Variants in ITPR2 observed in about 807,000 individuals in gnomAD.
ITPR2 encodes inositol 1,4,5-trisphosphate receptor type 2.
A neutral mutation model predicts 317.1 loss-of-function variants in ITPR2; 207 were observed. The observed-to-expected ratio is 0.65, with a 90% CI of 0.58 to 0.73. ITPR2 has a LOEUF of 0.73. ITPR2 is among the 30% of genes least tolerant of loss of function. The pLI is 0.00. For synonymous variants in ITPR2, 1,156 were observed against 1,149.1 expected (o/e 1.01, Z -0.12); for missense variants, 2,613 against 3,284.0 (o/e 0.80, Z 4.99).
chr12:26,729,985 A>T, intron 2 of ITPR2, among the ~76,000 whole-genome samples: 1 of 152,168 alleles, frequency 6.6e-6, no homozygotes. Context: ...GGGGAGAGAG[A>T]GAAGTTAGGC....
intron 5 of ITPR2, among the ~76,000 whole-genome samples, chr12:26,717,231 A>G (rs1470586163): frequency 6.6e-6 from 1 of 152,226 alleles, no homozygotes; most frequent in East Asian, 1.9e-4. Flanking sequence ...ATGATAAAAC[A>G]AATCAGGATT....
At chr12:26,811,684 CAAA>C (rs34379788) in intron 1 of ITPR2, among the ~76,000 whole-genome samples, 14 of 80,128 alleles carry the variant, frequency 1.7e-4, no homozygotes, top group African/African-American at 3.2e-4. Context: ...GACTCTGTCT[CAAA>C]AAAAAAAAAA....
chr12:26,712,093 C>G (rs1281450792), intron 8 of ITPR2, among the ~76,000 whole-genome samples: 2 of 152,168 alleles, frequency 1.3e-5, no homozygotes, highest in Non-Finnish European at 2.9e-5. Flanking sequence ...CACTCCAATT[C>G]AGGCATGTGA....
At chr12:26,474,743 G>A (rs149261822) in intron 45 of ITPR2, among the ~76,000 whole-genome samples, 8,971 of 133,856 alleles carry the variant, frequency 0.067, 397 homozygotes, top group Admixed American at 0.11. Context: ...GCAGTGAGCC[G>A]AGATCCCGCC....
intron 13 of ITPR2, among the ~76,000 whole-genome samples, chr12:26,676,939 A>T (rs1379928431): frequency 6.6e-6 from 1 of 152,208 alleles, no homozygotes; most frequent in Non-Finnish European, 1.5e-5. Context: ...CTAAGGTTCT[A>T]AACAACTACT....
intron 21 of ITPR2, among the ~76,000 whole-genome samples, chr12:26,650,983 C>T (rs551417246): frequency 1.3e-5 from 2 of 152,228 alleles, no homozygotes; most frequent in South Asian, 4.2e-4. Context: ...TATTCATATA[C>T]GCTTTCCTTT....
intron 1 of ITPR2, among the ~76,000 whole-genome samples, chr12:26,817,116 G>A (rs767444402): frequency 6.7e-6 from 1 of 149,348 alleles, no homozygotes; most frequent in African/African-American, 2.5e-5. Flanking sequence ...GGGAGGCAGA[G>A]GTTGCAGTGA....
chr12:26,506,838 G>C (rs187493068), intron 37 of ITPR2, among the ~76,000 whole-genome samples: 2 of 152,212 alleles, frequency 1.3e-5, no homozygotes, highest in Admixed American at 6.5e-5. Context: ...GTCATACAAG[G>C]ATCTGACTCA....
At chr12:26,713,123 G>A (rs2068367) in intron 8 of ITPR2, among the ~76,000 whole-genome samples, 54,974 of 152,104 alleles carry the variant, frequency 0.36, 11,123 homozygotes, top group East Asian at 0.79. Context: ...TACAAGGTGC[G>A]TGGGTAAGGA....
At position 26,400,542 on chromosome 12, in the gene ITPR2, G is replaced by A. The variant is rs186628673; in HGVS notation, c.7400-284C>T. 2.8e-3 allele frequency: 442 copies of A among 160,532 alleles called. 6 individuals are homozygous for A. The highest frequency in any genetic ancestry group is 2.9e-3 in the Middle Eastern group (1 of 340). 9.9% of individuals were successfully genotyped at this position (160,532 alleles called of 1,614,324 possible). ...CCAAAGGGCTATTTCTAATTGTGCC[G>A]TGACACAACTTTTGGAAGTCACACA... On this transcript the variant is annotated intron_variant, in intron 52 of 56. Coordinates refer to ENST00000381340, the MANE Select transcript of ITPR2 (RefSeq NM_002223.4).
intron 34 of ITPR2, among the ~76,000 whole-genome samples, chr12:26,567,984 A>AT (rs1195891498): frequency 3.1e-3 from 34 of 10,802 alleles, no homozygotes; most frequent in African/African-American, 8.0e-3. Flanking sequence ...TATATTATAT[A>AT]TATATATATA....
chr12:26,762,570 G>A (rs1046860180), intron 2 of ITPR2, among the ~76,000 whole-genome samples: 1 of 152,118 alleles, frequency 6.6e-6, no homozygotes, highest in Non-Finnish European at 1.5e-5. Flanking sequence ...AATGCTGAAG[G>A]CATTTCCTAA....
chr12:26,585,602 G>A (rs371563434), intron 32 of ITPR2, among the ~76,000 whole-genome samples: 9 of 151,810 alleles, frequency 5.9e-5, no homozygotes, highest in East Asian at 1.9e-4. Flanking sequence ...ACAGGGTTTC[G>A]CCATGTTTCC....
At chr12:26,543,411 A>T (rs76471196) in intron 37 of ITPR2, among the ~76,000 whole-genome samples, 2 of 151,850 alleles carry the variant, frequency 1.3e-5, no homozygotes, top group African/African-American at 4.8e-5. Context: ...GAGAGAGAGG[A>T]GAGAGAGGGA....
intron 37 of ITPR2, among the ~76,000 whole-genome samples, chr12:26,512,389 A>G (rs1215397573): frequency 6.6e-6 from 1 of 152,160 alleles, no homozygotes; most frequent in African/African-American, 2.4e-5. Context: ...TGCATACCTG[A>G]TTGCTTCCTC....
chr12:26,518,207 T>C (rs752012272), intron 37 of ITPR2, among the ~76,000 whole-genome samples: 20 of 152,216 alleles, frequency 1.3e-4, no homozygotes, highest in Admixed American at 3.3e-4. Context: ...AATGAGATCA[T>C]GTCCTTTGCA....
chr12:26,557,581 C>G (rs750843225), intron 35 of ITPR2, among the ~76,000 whole-genome samples: 1 of 152,182 alleles, frequency 6.6e-6, no homozygotes, highest in Non-Finnish European at 1.5e-5. Context: ...TCGTGTGACC[C>G]TGGGAGACCA....
chr12:26,344,744 T>C (rs898448872), intron 55 of ITPR2, among the ~76,000 whole-genome samples: 3 of 152,208 alleles, frequency 2.0e-5, no homozygotes, highest in Admixed American at 6.5e-5. Context: ...GGGAAAACAA[T>C]AGTAAGCAAA....
intron 22 of ITPR2, among the ~76,000 whole-genome samples, chr12:26,629,926 T>C (rs1946710094): frequency 1.3e-5 from 2 of 152,220 alleles, no homozygotes; most frequent in Admixed American, 6.5e-5. Context: ...ATCCTGCCTT[T>C]GAAGAACTTA....
Sources: allele counts gnomAD v4.1 joint callset (sites outside exome capture counted in the v4.1 genomes callset), GRCh38; gene constraint gnomAD v4.1.1; transcripts MANE v1.5; gene names NCBI Gene and HGNC (gene_info 2026-07-23, HGNC 2026-07-21).